Variants in PPP1R36 observed in about 807,000 individuals in gnomAD.
PPP1R36 encodes the protein chromosome 14 open reading frame 50.
In PPP1R36, 47 loss-of-function variants were observed where a neutral mutation model predicts 53.4. That is an observed-to-expected ratio of 0.88 (90% confidence interval 0.70 to 1.12). The LOEUF (loss-of-function observed/expected upper bound fraction) is 1.12, where lower values mean the gene tolerates loss of function less well. Among genes scored for constraint, PPP1R36 ranks in the 50% most tolerant of loss-of-function variants. The pLI is 0.00. For missense variants in PPP1R36, 456 were observed against 513.9 expected (o/e 0.89, Z 1.09); for synonymous variants, 153 against 170.5 (o/e 0.90, Z 0.80).
At chr14:64,559,213 T>TGG (rs1301304356) in intron 3 of PPP1R36, among the ~76,000 whole-genome samples, 1 of 152,092 alleles carries the variant, frequency 6.6e-6, no homozygotes, top group African/African-American at 2.4e-5. Flanking sequence ...CTTGGGCATT[T>TGG]GGAGGTACAG....
chr14:64,552,204 G>C (rs1419254197), intron 2 of PPP1R36, among the ~76,000 whole-genome samples: 1 of 152,130 alleles, frequency 6.6e-6, no homozygotes, highest in Non-Finnish European at 1.5e-5. Context: ...TGACAAAACT[G>C]GTGGCTGGGT....
intron 8 of PPP1R36, among the ~76,000 whole-genome samples, chr14:64,577,200 C>A (rs1031197343): frequency 7.9e-5 from 12 of 152,168 alleles, no homozygotes; most frequent in African/African-American, 2.9e-4. Context: ...TTCTAGAACA[C>A]TAATTCACAC....
chr14:64,553,300 C>T (rs1043869463), intron 3 of PPP1R36, among the ~76,000 whole-genome samples: 1 of 152,148 alleles, frequency 6.6e-6, no homozygotes, highest in East Asian at 1.9e-4. Context: ...TAACGACCCA[C>T]CCCAAATGGT....
chr14:64,549,974 C>T lies in PPP1R36; in HGVS notation c.-24C>T. 1 of 1,553,702 alleles carries T rather than the reference C, an allele frequency of 6.4e-7. No homozygotes were observed. Among genetic ancestry groups the T allele is most frequent in the Non-Finnish European group, 8.7e-7 (1 of 1,147,906 alleles). On this transcript the variant is annotated 5_prime_UTR_variant, in exon 1 of 12. Transcript: ENST00000298705. ...CCTGCGGGCGGTATCCTCGGCGACG[C>T]CGTATGGCTTCCAGGGCGAGGCCAT...
chr14:64,586,609 T>G, intron 8 of PPP1R36: 1 of 392,334 alleles, frequency 2.5e-6, no homozygotes. Context: ...TACCCCAAAT[T>G]TATATTGATT....
At chr14:64,562,959 C>T (rs974401725) in intron 3 of PPP1R36, among the ~76,000 whole-genome samples, 9 of 152,014 alleles carry the variant, frequency 5.9e-5, no homozygotes, top group East Asian at 1.9e-4. Context: ...CTCCGCCTCC[C>T]GGGTTCAAGC....
chr14:64,566,124 T>C (rs2140230331), intron 6 of PPP1R36, among the ~76,000 whole-genome samples: 1 of 152,076 alleles, frequency 6.6e-6, no homozygotes, highest in South Asian at 2.1e-4. Flanking sequence ...AAAAATTAGC[T>C]GGGCGTGGTG....
rs974080579 is a variant in PPP1R36, at chr14:64,588,188, A to C, written c.975A>C (p.Arg325Ser). The C allele has an allele frequency of 6.2e-7, 1 of 1,613,954 alleles. No individual in the cohort carries two copies. The highest frequency in any genetic ancestry group is 8.5e-7 in the Non-Finnish European group (1 of 1,179,936). ...TGTCTACTCTGCTGCCATCTCTCAG[A>C]GAAAAAGCTCAAAACGTCTTTGAGA... Reference protein sequence around the residue: ...PVMSTLLPSLREKAQNVFEKK... With the variant: ...PVMSTLLPSLSEKAQNVFEKK... The change falls in exon 11 of 12, where the codon AGA (arginine) becomes AGC (serine). Residue 325 changes from arginine to serine, a missense_variant. By Grantham distance (110) the Arg-to-Ser change is moderately radical. Transcript: ENST00000298705.
chr14:64,582,949 T>C (rs1379284910), intron 8 of PPP1R36, among the ~76,000 whole-genome samples: 1 of 150,688 alleles, frequency 6.6e-6, no homozygotes, highest in African/African-American at 2.4e-5. Flanking sequence ...TAGAGTGCAG[T>C]GGCACTATCT....
chr14:64,572,560 A>G (rs1307408332), intron 7 of PPP1R36, among the ~76,000 whole-genome samples: 1 of 151,822 alleles, frequency 6.6e-6, no homozygotes, highest in Non-Finnish European at 1.5e-5. Flanking sequence ...TTCTTTATGT[A>G]TATGTGCATA....
intron 6 of PPP1R36, among the ~76,000 whole-genome samples, chr14:64,567,202 G>A (rs557009942): frequency 6.6e-6 from 1 of 152,250 alleles, no homozygotes; most frequent in East Asian, 1.9e-4. Flanking sequence ...TTTCCATCTG[G>A]GGCCACAAAG....
chr14:64,573,518 C>T (rs1012396971), intron 7 of PPP1R36, among the ~76,000 whole-genome samples: 2 of 152,072 alleles, frequency 1.3e-5, no homozygotes, highest in African/African-American at 2.4e-5. Context: ...GGCTGCTAAC[C>T]GCCTGAGCAA....
intron 6 of PPP1R36, among the ~76,000 whole-genome samples, chr14:64,567,061 G>GC (rs1245989293): frequency 6.6e-6 from 1 of 152,178 alleles, no homozygotes; most frequent in Non-Finnish European, 1.5e-5. Flanking sequence ...CAAGTATTTG[G>GC]CCCAGTGTCT....
At chr14:64,579,120 AT>A (rs1455087830) in intron 8 of PPP1R36, among the ~76,000 whole-genome samples, 1 of 152,196 alleles carries the variant, frequency 6.6e-6, no homozygotes. Flanking sequence ...TGAGGTGGGA[AT>A]GGTAGGAGGA....
At chr14:64,552,545 T>G in intron 2 of PPP1R36, 1 of 301,008 alleles carries the variant, frequency 3.3e-6, no homozygotes, top group African/African-American at 2.3e-5. Flanking sequence ...TTGCTATGAC[T>G]TGTTCACATT....
intron 11 of PPP1R36, 24 bp downstream of exon 11, chr14:64,588,319 A>AT (rs2073412548): frequency 6.3e-7 from 1 of 1,576,412 alleles, no homozygotes; most frequent in Admixed American, 1.7e-5. Context: ...CAAGAGAAGC[A>AT]TGAGTGCCTT....
chr14:64,565,456 T>C lies in PPP1R36; in HGVS notation c.367+2T>C. 1 of 1,603,122 alleles carries C rather than the reference T, an allele frequency of 6.2e-7. No individual in the cohort carries two copies. The highest frequency in any genetic ancestry group is 8.5e-7 in the Non-Finnish European group (1 of 1,170,348). On this transcript the variant is annotated splice_donor_variant, in intron 5 of 11. Transcript: ENST00000298705. LOFTEE classifies it high-confidence loss of function. ...CCATTACACTGGATGATGTTAAATG[T>C]GAGTAACTGTTTCTTTATGCATACA...
At chr14:64,578,455 AAAGT>A (rs1380577002) in intron 8 of PPP1R36, among the ~76,000 whole-genome samples, 1 of 152,224 alleles carries the variant, frequency 6.6e-6, no homozygotes, top group Non-Finnish European at 1.5e-5. Context: ...ATAAAAAGTA[AAAGT>A]AAGTATTGTT....
At chr14:64,561,853 C>T (rs1347179713) in intron 3 of PPP1R36, 1 of 455,796 alleles carries the variant, frequency 2.2e-6, no homozygotes, top group Non-Finnish European at 4.4e-6. Context: ...GTCATGGACT[C>T]CCCTGAGGAC....
Sources: gnomAD v4.1 joint callset for allele counts (sites outside exome capture counted in the v4.1 genomes callset) on GRCh38, gnomAD v4.1.1 for gene constraint, MANE v1.5 for transcripts, NCBI Gene and HGNC (gene_info 2026-07-23, HGNC 2026-07-21) for gene names.